CSMD1: variants seen among roughly 807,000 people sequenced by gnomAD.
CSMD1 encodes CUB and Sushi multiple domains 1.
Under a neutral mutation model 417.5 loss-of-function variants are expected in CSMD1, and 213 were observed. The ratio of observed to expected loss-of-function variants is 0.51; its 90% CI spans 0.46 to 0.57. CSMD1 has a LOEUF of 0.57. Among genes scored for constraint, CSMD1 ranks in the 20% least tolerant of loss-of-function variants. The probability of loss-of-function intolerance (pLI) is 0.00; values close to 1 mark genes in which losing one functional copy is unlikely to be tolerated. For synonymous variants in CSMD1, 2,862 were observed against 1,736.8 expected, an observed-to-expected ratio of 1.65 and a Z score of -16.11; for missense variants, 6,923 against 4,529.7, an observed-to-expected ratio of 1.53 and a Z score of -15.17.
chr8:3,679,650 T>C (rs887643899), intron 7 of CSMD1, among the ~76,000 whole-genome samples: 7 of 152,086 alleles, frequency 4.6e-5, no homozygotes, highest in African/African-American at 1.7e-4. Context: ...AACAAGGATA[T>C]CCAGGAATTG....
chr8:3,135,240 T>C (rs17079493), intron 41 of CSMD1, among the ~76,000 whole-genome samples: 2,416 of 152,264 alleles, frequency 0.016, 60 homozygotes, highest in African/African-American at 0.054. Flanking sequence ...AACCAACTAA[T>C]AATACTTCTG....
intron 5 of CSMD1, among the ~76,000 whole-genome samples, chr8:3,867,698 TAACTC>T (rs1805197961): frequency 6.6e-6 from 1 of 152,172 alleles, no homozygotes; most frequent in Non-Finnish European, 1.5e-5. Context: ...GTACTACACT[TAACTC>T]ATGCAGTTGT....
intron 2 of CSMD1, among the ~76,000 whole-genome samples, chr8:4,471,490 C>G (rs551780644): frequency 5.9e-5 from 9 of 152,258 alleles, no homozygotes. Flanking sequence ...CCTAACAAAA[C>G]ATGGCTCAGT....
At chr8:4,326,279 G>T (rs1585237359) in intron 3 of CSMD1, among the ~76,000 whole-genome samples, 1 of 152,072 alleles carries the variant, frequency 6.6e-6, no homozygotes, top group African/African-American at 2.4e-5. Context: ...CATACGGTGG[G>T]AGACTCAGAC....
At chr8:3,903,952 G>T (rs142461860) in intron 5 of CSMD1, among the ~76,000 whole-genome samples, 14 of 151,930 alleles carry the variant, frequency 9.2e-5, no homozygotes, top group Admixed American at 5.2e-4. Flanking sequence ...TTCTCATTTG[G>T]ATTAAACCTG....
chr8:3,420,303 C>CA (rs1477473674), intron 12 of CSMD1, among the ~76,000 whole-genome samples: 1 of 151,458 alleles, frequency 6.6e-6, no homozygotes, highest in African/African-American at 2.4e-5. Flanking sequence ...CAGGACTCCT[C>CA]AAAATACCCA....
At chr8:3,186,221 A>G (rs1199569881) in intron 36 of CSMD1, among the ~76,000 whole-genome samples, 3 of 152,164 alleles carry the variant, frequency 2.0e-5, no homozygotes, top group African/African-American at 7.2e-5. Context: ...TATTCCTAAC[A>G]ACAAACACAG....
At chr8:3,840,507 G>A (rs1050004506) in intron 5 of CSMD1, among the ~76,000 whole-genome samples, 2 of 151,914 alleles carry the variant, frequency 1.3e-5, no homozygotes, top group Non-Finnish European at 2.9e-5. Flanking sequence ...AAAAATATAG[G>A]CAAAACAAAA....
At chr8:3,442,167 T>C (rs1815026353) in intron 12 of CSMD1, among the ~76,000 whole-genome samples, 1 of 151,972 alleles carries the variant, frequency 6.6e-6, no homozygotes, top group South Asian at 2.1e-4. Context: ...TTAGGCTAAA[T>C]GTTATAGCAA....
chr8:2,938,250 G>C lies in CSMD1; in HGVS notation c.*335C>G. ...ACGAGCCCAGACGATTGCATTGAAA[G>C]GCATCTCAGCAACACAGAAATATGA... is the stretch of plus-strand genomic sequence containing the variant. On this transcript the variant is annotated 3_prime_UTR_variant, in exon 70 of 70. Transcript: ENST00000635120. 1 of 232,542 alleles carries C rather than the reference G, an allele frequency of 4.3e-6. No homozygotes were observed. The highest frequency in any genetic ancestry group is 8.3e-6 in the Non-Finnish European group (1 of 120,480). 14.4% of individuals were successfully genotyped at this position (232,542 alleles called of 1,614,324 possible).
At chr8:3,066,444 C>T (rs915935107) in intron 49 of CSMD1, among the ~76,000 whole-genome samples, 3 of 152,152 alleles carry the variant, frequency 2.0e-5, no homozygotes, top group East Asian at 3.9e-4. Context: ...CGCATTTGAA[C>T]AGACCCTGCA....
rs575488015 is a variant in CSMD1 at position 3,797,131 on chromosome 8, C to T, written c.819-43089G>A. Among the ~76,000 whole-genome samples, 17 of 151,924 alleles carry T rather than the reference C, an allele frequency of 1.1e-4. No homozygotes were observed. In the South Asian group the frequency reaches 3.5e-3, roughly 31 times the overall value. On this transcript the variant is annotated intron_variant, in intron 5 of 69. Coordinates refer to ENST00000635120, the MANE Select transcript of CSMD1 (RefSeq NM_033225.6). Reference sequence around the variant, plus strand: ...AAACATAAGTAAATAATGAAGTATACTAATAAAATACAGTCAACATAATAA... The same window carrying T: ...AAACATAAGTAAATAATGAAGTATATTAATAAAATACAGTCAACATAATAA...
intron 1 of CSMD1, among the ~76,000 whole-genome samples, chr8:4,959,130 T>C (rs1469869516): frequency 1.3e-5 from 2 of 152,226 alleles, no homozygotes; most frequent in African/African-American, 2.4e-5. Flanking sequence ...TTAAAGGTTA[T>C]ATGAGAATTT....
At chr8:3,221,340 G>A (rs900088237) in intron 28 of CSMD1, among the ~76,000 whole-genome samples, 1 of 152,162 alleles carries the variant, frequency 6.6e-6, no homozygotes, top group Admixed American at 6.5e-5. Flanking sequence ...ATAAAAGGTT[G>A]GAGTTACTAG....
intron 3 of CSMD1, among the ~76,000 whole-genome samples, chr8:4,267,131 G>C (rs866748361): frequency 1.9e-5 from 2 of 102,612 alleles, no homozygotes; most frequent in African/African-American, 5.3e-5. Flanking sequence ...AATTAGTTGG[G>C]AGAATTAAAT....
chr8:4,262,357 A>G (rs1463439258), intron 3 of CSMD1, among the ~76,000 whole-genome samples: 1 of 152,200 alleles, frequency 6.6e-6, no homozygotes, highest in Non-Finnish European at 1.5e-5. Flanking sequence ...TGGGATTCCC[A>G]GGACACATAA....
At chr8:4,466,009 G>A (rs753006346) in intron 2 of CSMD1, among the ~76,000 whole-genome samples, 1 of 152,182 alleles carries the variant, frequency 6.6e-6, no homozygotes, top group East Asian at 1.9e-4. Context: ...TTAAAGATGT[G>A]CAATCACATT....
chr8:3,940,027 T>A (rs989840607), intron 5 of CSMD1, among the ~76,000 whole-genome samples: 1 of 152,214 alleles, frequency 6.6e-6, no homozygotes, highest in East Asian at 1.9e-4. Context: ...AATAAATCCA[T>A]GTTTTAAACA....
chr8:3,147,223 CT>C (rs954480748), intron 40 of CSMD1, among the ~76,000 whole-genome samples: 5 of 152,062 alleles, frequency 3.3e-5, no homozygotes, highest in South Asian at 2.1e-4. Flanking sequence ...TTTCTTTTTT[CT>C]TTTGTAATTC....
Sources: gnomAD v4.1 joint callset for allele counts (sites outside exome capture counted in the v4.1 genomes callset) on GRCh38, gnomAD v4.1.1 for gene constraint, MANE v1.5 for transcripts, NCBI Gene and HGNC (gene_info 2026-07-23, HGNC 2026-07-21) for gene names.